Variants in C20orf173 observed in about 807,000 individuals in gnomAD.
C20orf173 encodes the protein uncharacterized protein C20orf173.
A neutral mutation model predicts 26.7 loss-of-function variants in C20orf173; 22 were observed. The observed-to-expected ratio is 0.82, with a 90% CI of 0.59 to 1.18. The LOEUF is 1.18. Ranked by LOEUF, C20orf173 falls within the 50% of genes most tolerant of loss-of-function variation. C20orf173 has a pLI of 0.00. For missense variants in C20orf173, 210 were observed against 250.3 expected (o/e 0.84, Z 1.09); for synonymous variants, 85 against 96.4 (o/e 0.88, Z 0.69).
downstream of C20orf173, among the ~76,000 whole-genome samples, chr20:35,524,613 T>C (rs1201006192): frequency 6.6e-6 from 1 of 152,198 alleles, no homozygotes; most frequent in Non-Finnish European, 1.5e-5. Flanking sequence ...AACAATCTAC[T>C]ATTAGTGTTT....
downstream of C20orf173, among the ~76,000 whole-genome samples, chr20:35,526,459 C>T (rs913120269): frequency 6.6e-6 from 1 of 151,994 alleles, no homozygotes; most frequent in Non-Finnish European, 1.5e-5. Flanking sequence ...GACCCCCTTT[C>T]TACAAAAACA....
At position 35,528,790 on chromosome 20, in the gene C20orf173, A is replaced by G. The variant is rs187912240; in HGVS notation, c.399T>C (p.Tyr133=). ...PRLSVSHFDF[Y]CGTCVLLGRP... is the part of the protein sequence containing the mutation. Reference sequence around the variant, plus strand: ...GCCCCAACAGCACACAAGTCCCACAATAGAAATCAAAATGGCTCACCGAGA... The same window carrying G: ...GCCCCAACAGCACACAAGTCCCACAGTAGAAATCAAAATGGCTCACCGAGA... Residue 133 remains tyrosine, a synonymous_variant, in exon 3 of 6, where the codon TAT becomes TAC. Coordinates refer to ENST00000444723, the MANE Select transcript of C20orf173 (RefSeq NM_001145350.2). 21 of 1,551,110 alleles carry G rather than the reference A, an allele frequency of 1.4e-5. No individual in the cohort carries two copies. The highest frequency in any genetic ancestry group is 4.9e-5 in the East Asian group (2 of 40,904).
At chr20:35,522,522 A>AC (rs2064481089), downstream of C20orf173, 1 of 152,808 alleles carries the variant, frequency 6.5e-6, no homozygotes. Context: ...ATCCCAGGGT[A>AC]CATAACGCGC....
At chr20:35,524,888 G>A (rs762877637), downstream of C20orf173, among the ~76,000 whole-genome samples, 3 of 151,576 alleles carry the variant, frequency 2.0e-5, no homozygotes, top group Admixed American at 6.6e-5. Flanking sequence ...TAGTAGAGAC[G>A]GGGTTTCATC....
In C20orf173 at chr20:35,529,135, G is replaced by A; in HGVS notation, c.239C>T (p.Ser80Phe). 6.4e-7 allele frequency: 1 copy of A among 1,551,678 alleles called. No homozygotes were observed. Among genetic ancestry groups the A allele is most frequent in the East Asian group, 2.4e-5 (1 of 40,922 alleles). The stretch of plus-strand genomic sequence containing the variant: ...CATCAGGTACCCCATAGTCTTCCTG[G>A]AGCACGCATCAAGCCAGTTCCATTC... Reference protein sequence around the residue: ...ADEWNWLDACSRKTMGYLMRT... With the variant: ...ADEWNWLDACFRKTMGYLMRT... The change falls in exon 2 of 6, where the codon TCC becomes TTC. Residue 80 changes from serine to phenylalanine, a missense_variant. Coordinates refer to ENST00000444723, the MANE Select transcript of C20orf173 (RefSeq NM_001145350.2).
Position 35,528,446 on chromosome 20 carries a change from A to C in C20orf173, c.582+5T>G. 6.4e-7 allele frequency: 1 copy of C among 1,551,570 alleles called. No individual in the cohort carries two copies. The highest frequency in any genetic ancestry group is 8.7e-7 in the Non-Finnish European group (1 of 1,146,884). On this transcript the variant is annotated splice_donor_5th_base_variant and intron_variant, in intron 4 of 5. Transcript: ENST00000444723. ...ACAGAGAATGTCTGGGGACACCTCCATCACCTTATCACTTAGAGCATCTGA... is the reference window on the plus strand; with the variant it reads ...ACAGAGAATGTCTGGGGACACCTCCCTCACCTTATCACTTAGAGCATCTGA...
In C20orf173 at chr20:35,529,082, T is replaced by C; in HGVS notation, c.292A>G (p.Thr98Ala). ...CCACTGACCAACCACCAGAGCACAG[T>C]GTCAGAGGTCATAGACTCTCTTGTC... ...MRTRESMTSD[T>A]VLWWLGMNSG... The change falls in exon 2 of 6, where the codon ACT (threonine) becomes GCT (alanine). Residue 98 changes from threonine (T) to alanine (A), a missense_variant. Thr to Ala is a moderately conservative substitution (Grantham distance 58, BLOSUM62 0). Coordinates refer to ENST00000444723, the MANE Select transcript of C20orf173 (RefSeq NM_001145350.2). The C allele has an allele frequency of 3.2e-6, 5 of 1,551,106 alleles. No individual in the cohort carries two copies. The highest frequency in any genetic ancestry group is 3.5e-6 in the Non-Finnish European group (4 of 1,146,558).
At chr20:35,521,510 GGA>G (rs367582723), downstream of C20orf173, among the ~76,000 whole-genome samples, 94 of 151,900 alleles carry the variant, frequency 6.2e-4, no homozygotes, top group African/African-American at 2.2e-3. Context: ...CGGGAATCTG[GGA>G]GAGAGGAGAG....
At position 35,528,139 on chromosome 20, in the gene C20orf173, T is replaced by G; in HGVS notation, c.*25+94A>C. On this transcript the variant is annotated intron_variant, in intron 5 of 5. Coordinates refer to ENST00000444723, the MANE Select transcript of C20orf173 (RefSeq NM_001145350.2). ...CTGGTAAGACAGCCAGTTGTCCTGG[T>G]TGCACCTGGGGAGGAAGGGGGAGGG... is the stretch of plus-strand genomic sequence containing the variant. The G allele has an allele frequency of 3.8e-6, 4 of 1,053,270 alleles. No individual in the cohort carries two copies. In the Admixed American group the frequency reaches 8.0e-5, roughly 21 times the overall value. 65.2% of individuals were successfully genotyped at this position (1,053,270 alleles called of 1,614,324 possible). A position where few individuals can be genotyped will look rare whatever the true frequency, so the allele number is the denominator to read the frequency against.
chr20:35,525,768 C>T (rs2064499364), downstream of C20orf173, among the ~76,000 whole-genome samples: 1 of 152,246 alleles, frequency 6.6e-6, no homozygotes, highest in Admixed American at 6.5e-5. Flanking sequence ...CAGAGGTACA[C>T]TGCTTCTTGT....
At chr20:35,528,942 G>A in intron 2 of C20orf173, 63 bp from the exon 3 acceptor site, 2 of 1,543,368 alleles carry the variant, frequency 1.3e-6, no homozygotes, top group Non-Finnish European at 1.8e-6. Context: ...AGCTGGGTGG[G>A]TGAGATCTCC....
chr20:35,522,981 T>G (rs2064483734), downstream of C20orf173: 1 of 152,604 alleles, frequency 6.6e-6, no homozygotes, highest in South Asian at 2.1e-4. Context: ...GGTCAGGGAC[T>G]GGACAAAGAC....
chr20:35,525,145 AC>A, downstream of C20orf173, among the ~76,000 whole-genome samples: 1 of 152,128 alleles, frequency 6.6e-6, no homozygotes, highest in South Asian at 2.1e-4. Context: ...CACCCCTGAT[AC>A]TTATAAATGT....
chr20:35,528,567 T>G (rs1262860301), intron 3 of C20orf173, 23 bp from the exon 4 acceptor site: 1 of 1,551,268 alleles, frequency 6.4e-7, no homozygotes, highest in Non-Finnish European at 8.7e-7. Context: ...AAGCATTGTG[T>G]GTGGTTTGGT....
At chr20:35,522,487 G>A (rs75001916), downstream of C20orf173, 1,167 of 152,616 alleles carry the variant, frequency 7.6e-3, 13 homozygotes, top group African/African-American at 0.027. Flanking sequence ...GCAGCAGTTG[G>A]GTACCGGGGT....
chr20:35,527,872 C>T (rs1264612460), intron 5 of C20orf173, among the ~76,000 whole-genome samples: 1 of 152,118 alleles, frequency 6.6e-6, no homozygotes, highest in Non-Finnish European at 1.5e-5. Flanking sequence ...CCAGGCTGGT[C>T]TCGAACTCCT....
rs1218649013 is a variant in C20orf173 at position 35,529,074 on chromosome 20, G to C, written c.300C>G (p.Leu100=). Residue 100 remains leucine (L), a synonymous_variant, in exon 2 of 6, where the codon CTC becomes CTG. Coordinates refer to ENST00000444723, the MANE Select transcript of C20orf173 (RefSeq NM_001145350.2). ...TRESMTSDTV[L]WWLGMNSGSE... is the part of the protein sequence containing the mutation. Reference sequence around the variant, plus strand: ...AGTGTTGACCACTGACCAACCACCAGAGCACAGTGTCAGAGGTCATAGACT... The same window carrying C: ...AGTGTTGACCACTGACCAACCACCACAGCACAGTGTCAGAGGTCATAGACT... The C allele has an allele frequency of 6.5e-7, 1 of 1,550,140 alleles. No homozygotes were observed.
Position 35,529,240 on chromosome 20 carries a change from TC to T in C20orf173, c.133del (p.Asp45ThrfsTer43). 1 of 1,551,648 alleles carries T rather than the reference TC, an allele frequency of 6.4e-7. No individual in the cohort carries two copies. Among genetic ancestry groups the T allele is most frequent in the Non-Finnish European group, 8.7e-7 (1 of 1,146,970 alleles). ...CTTCCCGGAACTGAACCAAGGGCAG[TC>T]GCAATGCTGTGGTACCAAGTACATT... Reference protein sequence around the residue: ...KRMYLVPQHCDCPWFSSGKCG... With the variant: ...KRMYLVPQHCXCPWFSSGKCG... On this transcript the variant is annotated frameshift_variant, in exon 2 of 6. Coordinates refer to ENST00000444723, the MANE Select transcript of C20orf173 (RefSeq NM_001145350.2). LOFTEE classifies it high-confidence loss of function.
At position 35,528,470 on chromosome 20, in the gene C20orf173, G is replaced by T; in HGVS notation, c.563C>A (p.Ser188Ter). 1 of 1,551,698 alleles carries T rather than the reference G, an allele frequency of 6.4e-7. No homozygotes were observed. The highest frequency in any genetic ancestry group is 8.7e-7 in the Non-Finnish European group (1 of 1,146,976). The change falls in exon 4 of 6, where the codon TCA (serine) becomes TAA (stop). Residue 188 changes from serine to a stop codon, truncating the protein, a stop_gained. Transcript: ENST00000444723. LOFTEE classifies it high-confidence loss of function. Reference sequence around the variant, plus strand: ...CATCACCTTATCACTTAGAGCATCTGAAGTCCACACCAGGTCAGAGAGCTT... The same window carrying T: ...CATCACCTTATCACTTAGAGCATCTTAAGTCCACACCAGGTCAGAGAGCTT... Reference protein sequence around the residue: ...LRKLSDLVWTSDALSDKILED... With the variant: ...LRKLSDLVWT
Sources: gnomAD v4.1 joint callset for allele counts (sites outside exome capture counted in the v4.1 genomes callset) on GRCh38, gnomAD v4.1.1 for gene constraint, MANE v1.5 for transcripts, NCBI Gene and HGNC (gene_info 2026-07-23, HGNC 2026-07-21) for gene names.